Variants in RPS6KA5 observed in about 807,000 individuals in gnomAD.
RPS6KA5 encodes ribosomal protein S6 kinase alpha-5.
RPS6KA5 carries 27 observed loss-of-function variants against 85.5 expected under a neutral mutation model. The ratio of observed to expected loss-of-function variants is 0.32; its 90% confidence interval spans 0.23 to 0.44. The LOEUF is 0.44. RPS6KA5 is among the 20% of genes least tolerant of loss of function. RPS6KA5 has a pLI of 1.00. For synonymous variants in RPS6KA5, 334 were observed against 348.2 expected (o/e 0.96, Z 0.46); for missense variants, 811 against 980.9 (o/e 0.83, Z 2.31).
chr14:90,983,803 C>G (rs1243780187), intron 2 of RPS6KA5, among the ~76,000 whole-genome samples: 5 of 123,670 alleles, frequency 4.0e-5, no homozygotes, highest in African/African-American at 6.5e-5. Context: ...CTCTCTCTCT[C>G]TCTCTCTCTC....
chr14:90,875,167 T>C lies in RPS6KA5; in HGVS notation c.1996+34A>G, dbSNP rs761652702. 14 of 1,586,786 alleles carry C rather than the reference T, an allele frequency of 8.8e-6. 1 individual carries two copies. The Admixed American group carries it at 2.4e-4, about 27-fold the overall frequency. ...ATGATTCTACTTCAATCACTACACA[T>C]CATATAAAATGTAAAATTTCATTAG... On this transcript the variant is annotated intron_variant, in intron 15 of 16. Coordinates refer to ENST00000614987, the MANE Select transcript of RPS6KA5 (RefSeq NM_004755.4).
chr14:90,999,207 C>CA (rs60289079), intron 2 of RPS6KA5, among the ~76,000 whole-genome samples: 1 of 151,090 alleles, frequency 6.6e-6, no homozygotes, highest in Non-Finnish European at 1.5e-5. Context: ...GGCTTCATCT[C>CA]AAAAAAACAA....
chr14:90,979,188 C>T (rs1163278914), intron 2 of RPS6KA5, among the ~76,000 whole-genome samples: 1 of 152,220 alleles, frequency 6.6e-6, no homozygotes, highest in Non-Finnish European at 1.5e-5. Flanking sequence ...ACGTGTGGTG[C>T]CCCTCCTCCA....
intron 1 of RPS6KA5, among the ~76,000 whole-genome samples, chr14:91,004,690 G>C (rs1314498968): frequency 6.6e-6 from 1 of 151,900 alleles, no homozygotes; most frequent in Non-Finnish European, 1.5e-5. Context: ...GTTCCAGGCC[G>C]GGCGCGGTGG....
intron 1 of RPS6KA5, among the ~76,000 whole-genome samples, chr14:91,047,047 CAA>C (rs34036525): frequency 6.9e-4 from 69 of 100,304 alleles, no homozygotes; most frequent in Non-Finnish European, 7.3e-4. Flanking sequence ...ACCCTGTCTC[CAA>C]AAAAAAAAAA....
intron 5 of RPS6KA5, among the ~76,000 whole-genome samples, chr14:90,924,904 A>G (rs2036578986): frequency 6.6e-6 from 1 of 152,228 alleles, no homozygotes; most frequent in Non-Finnish European, 1.5e-5. Flanking sequence ...TTATTTGCCA[A>G]TGTTTTGTCC....
intron 13 of RPS6KA5, among the ~76,000 whole-genome samples, chr14:90,892,697 T>C (rs2034632490): frequency 1.3e-5 from 2 of 152,218 alleles, no homozygotes; most frequent in Non-Finnish European, 1.5e-5. Flanking sequence ...TGAATCCACA[T>C]AGCTACCTAC....
chr14:90,962,168 G>A (rs1411198377), intron 3 of RPS6KA5, among the ~76,000 whole-genome samples: 1 of 152,136 alleles, frequency 6.6e-6, no homozygotes, highest in African/African-American at 2.4e-5. Flanking sequence ...TGTTCCACGG[G>A]CTTACATTAT....
intron 3 of RPS6KA5, among the ~76,000 whole-genome samples, chr14:90,962,749 T>G (rs1451240260): frequency 2.0e-5 from 3 of 152,234 alleles, no homozygotes; most frequent in African/African-American, 7.2e-5. Flanking sequence ...AATCCCTATA[T>G]GCTCATTATG....
At chr14:90,968,791 A>G (rs1012058152) in intron 3 of RPS6KA5, among the ~76,000 whole-genome samples, 9 of 152,224 alleles carry the variant, frequency 5.9e-5, no homozygotes, top group African/African-American at 2.2e-4. Flanking sequence ...TATGCAGAAA[A>G]AGACAACTGA....
rs2033511983 is a variant in RPS6KA5 at position 90,876,843 on chromosome 14, T to A, written c.1837-1483A>T. On this transcript the variant is annotated intron_variant, in intron 14 of 16. Coordinates refer to ENST00000614987, the MANE Select transcript of RPS6KA5 (RefSeq NM_004755.4). ...ATTAGGAGACATGGAAGCCACAGGATGTTCCGGTGATCTAGAAACAATATG... is the reference window on the plus strand; with the variant it reads ...ATTAGGAGACATGGAAGCCACAGGAAGTTCCGGTGATCTAGAAACAATATG... 2.6e-5 allele frequency among the ~76,000 whole-genome samples: 4 copies of A among 152,330 alleles called. No homozygotes were observed. The South Asian group carries it at 8.3e-4, about 32-fold the overall frequency.
At chr14:90,882,938 TA>T in intron 14 of RPS6KA5, among the ~76,000 whole-genome samples, 1 of 152,108 alleles carries the variant, frequency 6.6e-6, no homozygotes, top group South Asian at 2.1e-4. Context: ...GCTGGGATTA[TA>T]GGTGTGTGCC....
chr14:90,961,861 T>C (rs1168655631), intron 3 of RPS6KA5, among the ~76,000 whole-genome samples: 1 of 152,158 alleles, frequency 6.6e-6, no homozygotes, highest in Non-Finnish European at 1.5e-5. Context: ...TTGCAAAAAG[T>C]TCCTTAATTT....
chr14:90,983,318 AGTATGGG>A (rs2039888447), intron 2 of RPS6KA5, among the ~76,000 whole-genome samples: 1 of 151,574 alleles, frequency 6.6e-6, no homozygotes, highest in Admixed American at 6.6e-5. Flanking sequence ...ATATGAGCAA[AGTATGGG>A]CACAGTGGCT....
intron 3 of RPS6KA5, among the ~76,000 whole-genome samples, chr14:90,953,945 G>A (rs1209517383): frequency 6.6e-6 from 1 of 152,156 alleles, no homozygotes; most frequent in African/African-American, 2.4e-5. Context: ...TCAAAAGCAT[G>A]TGATCTTTGT....
intron 1 of RPS6KA5, among the ~76,000 whole-genome samples, chr14:91,030,493 C>A (rs1234318203): frequency 1.3e-5 from 2 of 151,122 alleles, no homozygotes; most frequent in African/African-American, 4.9e-5. Context: ...ACCATGTAAG[C>A]CTCCAGCCAG....
intron 1 of RPS6KA5, among the ~76,000 whole-genome samples, chr14:91,026,956 C>G (rs186441658): frequency 2.0e-5 from 3 of 152,280 alleles, no homozygotes; most frequent in Non-Finnish European, 4.4e-5. Flanking sequence ...GTTTTCCGCA[C>G]TTTTTAATAG....
At chr14:91,030,941 T>C (rs1357286654) in intron 1 of RPS6KA5, among the ~76,000 whole-genome samples, 1 of 152,016 alleles carries the variant, frequency 6.6e-6, no homozygotes, top group Admixed American at 6.6e-5. Context: ...ATCCAGTATC[T>C]AAGAGAATTT....
At chr14:91,040,312 G>GCCGGAGAATCGCTTGAAC (rs1391363980) in intron 1 of RPS6KA5, among the ~76,000 whole-genome samples, 7 of 152,330 alleles carry the variant, frequency 4.6e-5, no homozygotes, top group African/African-American at 1.7e-4. Context: ...GGAGGCTGAG[G>GCCGGAGAATCGCTTGAAC]CCGGAGAATC....
Sources: allele counts gnomAD v4.1 joint callset (sites outside exome capture counted in the v4.1 genomes callset), GRCh38; gene constraint gnomAD v4.1.1; transcripts MANE v1.5; gene names NCBI Gene and HGNC (gene_info 2026-07-23, HGNC 2026-07-21).